The following CRYZL1 variants were observed in gnomAD, a reference collection of about 807,000 sequenced individuals.
CRYZL1 encodes ferry endosomal RAB5 effector complex subunit 4.
CRYZL1 carries 34 observed loss-of-function variants against 50.6 expected under a neutral mutation model. The observed-to-expected ratio is 0.67, with a 90% CI of 0.51 to 0.89. The LOEUF (loss-of-function observed/expected upper bound fraction) is 0.89, where lower values mean the gene tolerates loss of function less well. Among genes scored for constraint, CRYZL1 ranks in the 40% least tolerant of loss-of-function variants. CRYZL1 has a pLI of 0.00. For synonymous variants in CRYZL1, 125 were observed against 134.3 expected (o/e 0.93, Z 0.48); for missense variants, 354 against 402.3 (o/e 0.88, Z 1.03).
intron 5 of CRYZL1, 118 bp downstream of exon 5, chr21:33,616,588 A>C: frequency 6.4e-7 from 1 of 1,556,596 alleles, no homozygotes; most frequent in South Asian, 1.1e-5. Flanking sequence ...CACAGCACCC[A>C]GCCGGGAAAG....
chr21:33,603,643 C>T lies in CRYZL1; in HGVS notation c.332-106G>A, dbSNP rs185016106. On this transcript the variant is annotated intron_variant, in intron 6 of 12. Coordinates refer to ENST00000381554, the MANE Select transcript of CRYZL1 (RefSeq NM_145858.3). Reference sequence around the variant, plus strand: ...AGTACTACTATGGCCCTGGTCCAAGCCCCTACTCCCATTCTCTCTCACCTA... The same window carrying T: ...AGTACTACTATGGCCCTGGTCCAAGTCCCTACTCCCATTCTCTCTCACCTA... The T allele has an allele frequency of 4.0e-3, 4,893 of 1,220,128 alleles. 23 individuals carry two copies. The highest frequency in any genetic ancestry group is 5.1e-3 in the Non-Finnish European group (4,401 of 870,288). 75.6% of individuals were successfully genotyped at this position (1,220,128 alleles called of 1,614,324 possible).
chr21:33,637,519 C>T (rs2087223040), intron 1 of CRYZL1, among the ~76,000 whole-genome samples: 2 of 151,294 alleles, frequency 1.3e-5, no homozygotes, highest in Non-Finnish European at 2.9e-5. Flanking sequence ...CGGGCTGTGG[C>T]GATAGGCTGC....
intron 10 of CRYZL1, chr21:33,596,078 T>C (rs561155553): frequency 1.7e-6 from 1 of 603,352 alleles, no homozygotes; most frequent in South Asian, 1.7e-5. Context: ...GGTGAAGTGG[T>C]AGGGGTGTGT....
At position 33,601,856 on chromosome 21, in the gene CRYZL1, T is replaced by A. The variant is rs1347546860; in HGVS notation, c.577+378A>T. Among the ~76,000 whole-genome samples, 5 of 150,032 alleles carry A rather than the reference T, an allele frequency of 3.3e-5. No homozygotes were observed. In the Admixed American group the frequency reaches 3.3e-4, roughly 10 times the overall value. On this transcript the variant is annotated intron_variant, in intron 8 of 12. Coordinates refer to ENST00000381554, the MANE Select transcript of CRYZL1 (RefSeq NM_145858.3). ...CACCTGACCCTGGGGAGGTCCATAC[T>A]GCAGTGAGCCACGATTGTGCCATTG...
chr21:33,612,234 C>T (rs1300919359), intron 6 of CRYZL1, among the ~76,000 whole-genome samples: 1 of 151,820 alleles, frequency 6.6e-6, no homozygotes. Context: ...ACTTACACTC[C>T]AGCACATGAA....
In CRYZL1 at chr21:33,630,674, T is replaced by A. The variant is rs141614456; in HGVS notation, c.66+812A>T. ...ATCCAAAGGAAATGAAAGCAATATG[T>A]CAAAGTGATATCTGTACCTCCATGT... On this transcript the variant is annotated intron_variant, in intron 2 of 12. Coordinates refer to ENST00000381554, the MANE Select transcript of CRYZL1 (RefSeq NM_145858.3). 3.3e-5 allele frequency among the ~76,000 whole-genome samples: 5 copies of A among 152,120 alleles called. No individual in the cohort carries two copies. The East Asian group carries it at 9.6e-4, about 29-fold the overall frequency.
chr21:33,589,975 A>G (rs1449389788), intron 12 of CRYZL1, 54 bp from the exon 13 acceptor site: 8 of 1,041,086 alleles, frequency 7.7e-6, no homozygotes, highest in Non-Finnish European at 5.8e-6. Context: ...AAGTAGAACA[A>G]ACAGGGTGGT....
At chr21:33,640,042 T>C (rs2087259901) in intron 1 of CRYZL1, 14 of 1,058,678 alleles carry the variant, frequency 1.3e-5, no homozygotes, top group Non-Finnish European at 1.9e-5. Context: ...GCCAGGCTGG[T>C]CTCGAACTCC....
chr21:33,612,411 C>A lies in CRYZL1; in HGVS notation c.331+1127G>T, dbSNP rs368470384. 5.5e-4 allele frequency among the ~76,000 whole-genome samples: 84 copies of A among 152,100 alleles called. No individual in the cohort carries two copies. In the East Asian group the frequency reaches 0.013, roughly 23 times the overall value. ...AAGTGATTCTCCTGCCTCAGCCTCC[C>A]GAGTAGCTGGGATTACAGGCGTGCG... On this transcript the variant is annotated intron_variant, in intron 6 of 12. Transcript: ENST00000381554.
chr21:33,621,725 C>T (rs1199864741), intron 4 of CRYZL1, among the ~76,000 whole-genome samples: 2 of 152,104 alleles, frequency 1.3e-5, no homozygotes, highest in African/African-American at 2.4e-5. Context: ...GCTGGTTGGA[C>T]AAGCTTGCTG....
intron 1 of CRYZL1, among the ~76,000 whole-genome samples, chr21:33,636,094 A>C (rs1430126801): frequency 6.6e-6 from 1 of 152,200 alleles, no homozygotes; most frequent in Non-Finnish European, 1.5e-5. Context: ...ATACCAAAAA[A>C]GTATGATATA....
intron 1 of CRYZL1, among the ~76,000 whole-genome samples, chr21:33,637,606 CCTCTT>C (rs1028578426): frequency 6.6e-6 from 1 of 151,776 alleles, no homozygotes; most frequent in Admixed American, 6.6e-5. Context: ...AGTCCAAACT[CCTCTT>C]CTTACATGCT....
intron 8 of CRYZL1, 62 bp from the exon 9 acceptor site, chr21:33,599,310 A>C: frequency 6.2e-7 from 1 of 1,608,570 alleles, no homozygotes; most frequent in South Asian, 1.1e-5. Flanking sequence ...CAAACAAATC[A>C]GGGAAAAAGA....
In CRYZL1 at chr21:33,615,471, T is replaced by C. The variant is rs549139829; in HGVS notation, c.262+1235A>G. On this transcript the variant is annotated intron_variant, in intron 5 of 12. Transcript: ENST00000381554. ...ATAATATATATTATATGGCCCTATA[T>C]AATACAAGTTATATAAATGTTTTCT... Among the ~76,000 whole-genome samples the C allele has an allele frequency of 5.3e-5, 8 of 152,230 alleles. No homozygotes were observed. The South Asian group carries it at 1.5e-3, about 28-fold the overall frequency.
At chr21:33,602,056 T>G (rs1246586556) in intron 8 of CRYZL1, among the ~76,000 whole-genome samples, 178 bp downstream of exon 8, 1 of 151,620 alleles carries the variant, frequency 6.6e-6, no homozygotes, top group Non-Finnish European at 1.5e-5. Flanking sequence ...CTCAGGCTGG[T>G]CTCAAACTCC....
intron 11 of CRYZL1, chr21:33,595,503 A>G: frequency 7.8e-7 from 1 of 1,287,800 alleles, no homozygotes; most frequent in South Asian, 1.3e-5. Flanking sequence ...GTCTGTATCA[A>G]CATCTCTGTG....
chr21:33,624,634 C>T, intron 3 of CRYZL1, 49 bp downstream of exon 3: 2 of 1,600,208 alleles, frequency 1.2e-6, no homozygotes, highest in Non-Finnish European at 1.7e-6. Flanking sequence ...ACACTAAATA[C>T]ACTAAGAAAC....
At chr21:33,631,433 T>C (rs2087135802) in intron 2 of CRYZL1, 53 bp downstream of exon 2, 1 of 1,306,706 alleles carries the variant, frequency 7.7e-7, no homozygotes, top group African/African-American at 1.5e-5. Context: ...AAAGTGGGTT[T>C]ATTGCAGATA....
chr21:33,602,683 T>TTATATACTATATATG (rs2086769197), intron 7 of CRYZL1, among the ~76,000 whole-genome samples: 1 of 152,196 alleles, frequency 6.6e-6, no homozygotes, highest in Non-Finnish European at 1.5e-5. Flanking sequence ...TCTAAGCTAA[T>TTATATACTATATATG]TATATACTAT....
Sources: allele counts gnomAD v4.1 joint callset (sites outside exome capture counted in the v4.1 genomes callset), GRCh38; gene constraint gnomAD v4.1.1; transcripts MANE v1.5; gene names NCBI Gene and HGNC (gene_info 2026-07-23, HGNC 2026-07-21).